The following KDM7A variants were observed in gnomAD, a reference collection of about 807,000 sequenced individuals.
The protein encoded by KDM7A is lysine demethylase 7A.
Under a neutral mutation model 114.8 loss-of-function variants are expected in KDM7A, and 28 were observed. The observed-to-expected ratio is 0.24, with a 90% CI of 0.18 to 0.33. KDM7A has a LOEUF of 0.33. KDM7A is among the 10% of genes least tolerant of loss of function. The probability of loss-of-function intolerance (pLI) is 1.00; values close to 1 mark genes in which losing one functional copy is unlikely to be tolerated. For missense variants in KDM7A, 942 were observed against 1,142.5 expected (o/e 0.82, Z 2.53); for synonymous variants, 423 against 397.8 (o/e 1.06, Z -0.75).
In KDM7A at chr7:140,176,911, G is replaced by A. The variant is rs1201348008; in HGVS notation, c.27C>T (p.Ala9=). The A allele has an allele frequency of 2.6e-6, 3 of 1,169,978 alleles. No homozygotes were observed. Among genetic ancestry groups the A allele is most frequent in the Non-Finnish European group, 1.1e-6 (1 of 941,944 alleles). 72.5% of individuals were successfully genotyped at this position (1,169,978 alleles called of 1,614,324 possible). The part of the protein sequence containing the change: MAGAAAAV[A]AGAAAGAAAA... ...CGGCGGCTCCAGCTGCTGCTCCCGC[G>A]GCCACCGCCGCCGCCGCTCCGGCCA... The change falls in exon 1 of 20, where the codon GCC becomes GCT. Residue 9 remains alanine, a synonymous_variant. Coordinates refer to ENST00000397560, the MANE Select transcript of KDM7A (RefSeq NM_030647.2). This position sits in a 1 kb window ranked among gnomAD's most constrained non-coding sequence, Gnocchi z 4.4.
At position 140,115,050 on chromosome 7, in the gene KDM7A, G is replaced by A. The variant is rs7784467; in HGVS notation, c.1247-1468C>T. 1.3e-3 allele frequency among the ~76,000 whole-genome samples: 201 copies of A among 149,632 alleles called. 2 individuals are homozygous for A. The highest frequency in any genetic ancestry group is 4.5e-3 in the African/African-American group (182 of 40,596). ...GTCCAGGAGGTTGGGGGCAGCCCCT[G>A]CTCGGCCAGCCGCCCCATCCGGGAG... On this transcript the variant is annotated intron_variant, in intron 9 of 19. Transcript: ENST00000397560.
At chr7:140,147,900 G>C (rs994540164) in intron 1 of KDM7A, among the ~76,000 whole-genome samples, 4 of 152,174 alleles carry the variant, frequency 2.6e-5, no homozygotes, top group African/African-American at 9.7e-5. Flanking sequence ...TTGACTTGGA[G>C]CAGGTTTCTC....
intron 9 of KDM7A, 49 bp from the exon 10 acceptor site, chr7:140,113,631 A>G: frequency 3.0e-6 from 3 of 992,476 alleles, no homozygotes; most frequent in African/African-American, 1.6e-5. Flanking sequence ...AAAATGTTCT[A>G]AAGTTAAAGG....
In KDM7A at chr7:140,091,994, G is replaced by A. The variant is rs1818028521; in HGVS notation, c.2541C>T (p.Asp847=). The A allele has an allele frequency of 4.3e-6, 7 of 1,614,064 alleles. No homozygotes were observed. The highest frequency in any genetic ancestry group is 1.1e-5 in the South Asian group (1 of 91,078). The part of the protein sequence containing the change: ...SQRVQSRNYV[D]SSGSSLQNGK... ...CATTCTGAAGGCTTGAGCCGCTGCT[G>A]TCCACATAATTCCTACTTTGTACCC... is the stretch of plus-strand genomic sequence containing the variant. The change falls in exon 19 of 20, where the codon GAC becomes GAT. Residue 847 remains aspartate, a synonymous_variant. Transcript: ENST00000397560.
chr7:140,100,735 TA>T (rs1818207974), intron 12 of KDM7A, among the ~76,000 whole-genome samples: 2 of 51,634 alleles, frequency 3.9e-5, no homozygotes, highest in African/African-American at 1.4e-4. Flanking sequence ...TATATATATA[TA>T]TATATACATA....
intron 1 of KDM7A, among the ~76,000 whole-genome samples, chr7:140,151,427 C>T (rs1794398854): frequency 6.6e-6 from 1 of 152,170 alleles, no homozygotes; most frequent in Admixed American, 6.5e-5. Context: ...CCAAGAACAT[C>T]AGGGAGACAT....
At chr7:140,164,408 C>T (rs1296435812) in intron 1 of KDM7A, among the ~76,000 whole-genome samples, 1 of 152,156 alleles carries the variant, frequency 6.6e-6, no homozygotes, top group Admixed American at 6.5e-5. Context: ...CTGCCCTCTA[C>T]CTACTAGCTG....
At chr7:140,134,306 T>C (rs1818835124) in intron 2 of KDM7A, among the ~76,000 whole-genome samples, 1 of 152,192 alleles carries the variant, frequency 6.6e-6, no homozygotes, top group South Asian at 2.1e-4. Flanking sequence ...TTGGATTTGA[T>C]TCCTAGTTCA....
intron 1 of KDM7A, among the ~76,000 whole-genome samples, chr7:140,149,642 T>C (rs545880241): frequency 1.3e-5 from 2 of 152,318 alleles, no homozygotes; most frequent in Admixed American, 1.3e-4. Context: ...CTAAAGAAAT[T>C]AGGATACAAA....
At chr7:140,142,077 A>G (rs1358651195) in intron 1 of KDM7A, among the ~76,000 whole-genome samples, 1 of 148,152 alleles carries the variant, frequency 6.7e-6, no homozygotes, top group Non-Finnish European at 1.5e-5. Context: ...ATATTTATAT[A>G]TCTTTTTAAA....
chr7:140,167,232 T>C (rs895247803), intron 1 of KDM7A, among the ~76,000 whole-genome samples: 25 of 152,068 alleles, frequency 1.6e-4, no homozygotes, highest in Non-Finnish European at 2.2e-4. Context: ...TGAATAAAAT[T>C]AGACAGGTTG....
At chr7:140,116,689 T>A (rs1818535606) in intron 9 of KDM7A, among the ~76,000 whole-genome samples, 1 of 151,936 alleles carries the variant, frequency 6.6e-6, no homozygotes, top group Non-Finnish European at 1.5e-5. Context: ...ATCAACTATT[T>A]TAATAACATA....
intron 1 of KDM7A, among the ~76,000 whole-genome samples, chr7:140,147,157 A>T (rs1257267539): frequency 6.6e-6 from 1 of 152,058 alleles, no homozygotes; most frequent in Non-Finnish European, 1.5e-5. Context: ...GGAAAAAAAA[A>T]AACACATTTC....
At chr7:140,103,460 CCCCCCTCCAA>C (rs1818270146) in intron 11 of KDM7A, among the ~76,000 whole-genome samples, 1 of 151,746 alleles carries the variant, frequency 6.6e-6, no homozygotes, top group Non-Finnish European at 1.5e-5. Context: ...TATCCCTCCC[CCCCCCTCCAA>C]CCCACGACAG....
chr7:140,106,919 C>CT, intron 11 of KDM7A, among the ~76,000 whole-genome samples: 1 of 152,268 alleles, frequency 6.6e-6, no homozygotes, highest in Middle Eastern at 3.4e-3. Context: ...GTGTGGGAGT[C>CT]TAAGTCTTTT....
intron 11 of KDM7A, 65 bp from the exon 12 acceptor site, chr7:140,102,225 T>A: frequency 8.8e-7 from 1 of 1,134,608 alleles, no homozygotes; most frequent in Non-Finnish European, 1.3e-6. Flanking sequence ...GACTAAATAA[T>A]CATCCATAAA....
chr7:140,100,036 A>G lies in KDM7A; in HGVS notation c.1639-13T>C. 2 of 1,613,996 alleles carry G rather than the reference A, an allele frequency of 1.2e-6. No individual in the cohort carries two copies. The highest frequency in any genetic ancestry group is 1.7e-6 in the Non-Finnish European group (2 of 1,179,856). On this transcript the variant is annotated splice_polypyrimidine_tract_variant and intron_variant, in intron 12 of 19. Transcript: ENST00000397560. ...AGCTCAAGATGTCCTGAAGGTATAA[A>G]TGCAGAACTTACTTACCATCCACCC...
intron 1 of KDM7A, among the ~76,000 whole-genome samples, chr7:140,170,820 C>G (rs1794630412): frequency 6.6e-6 from 1 of 152,178 alleles, no homozygotes; most frequent in Non-Finnish European, 1.5e-5. Context: ...TTCCTAGCAC[C>G]TGGTACACTA....
At position 140,091,020 on chromosome 7, in the gene KDM7A, G is replaced by T; in HGVS notation, c.*74C>A. 1 of 1,023,032 alleles carries T rather than the reference G, an allele frequency of 9.8e-7. No individual in the cohort carries two copies. The highest frequency in any genetic ancestry group is 1.6e-6 in the Non-Finnish European group (1 of 644,766). The allele number at this position is 1,023,032 out of a possible 1,614,324, so 63.4% of individuals were successfully genotyped here. A position where few individuals can be genotyped will look rare whatever the true frequency, so the allele number is the denominator to read the frequency against. ...ACACACAAACTGCTCCAGGCAGGGG[G>T]ACAGCGGAAGCTCCAGGCTCCTGCA... On this transcript the variant is annotated 3_prime_UTR_variant, in exon 20 of 20. Coordinates refer to ENST00000397560, the MANE Select transcript of KDM7A (RefSeq NM_030647.2).
Sources: gnomAD v4.1 joint callset for allele counts (sites outside exome capture counted in the v4.1 genomes callset) on GRCh38, gnomAD v4.1.1 for gene constraint, Gnocchi (gnomAD v3.1) non-coding constraint, MANE v1.5 for transcripts, NCBI Gene and HGNC (gene_info 2026-07-23, HGNC 2026-07-21) for gene names.